Variants in OSBPL5 observed in about 807,000 individuals in gnomAD.
OSBPL5 encodes the protein oxysterol-binding protein-related protein 5.
In OSBPL5, 71 loss-of-function variants were observed where a neutral mutation model predicts 111.2. The observed-to-expected ratio is 0.64, with a 90% CI of 0.53 to 0.78. The LOEUF is 0.78. OSBPL5 is among the 30% of genes least tolerant of loss of function. The pLI is 0.00. For missense variants in OSBPL5, 1,210 were observed against 1,189.3 expected, an observed-to-expected ratio of 1.02 and a Z score of -0.26; for synonymous variants, 549 against 513.9, an observed-to-expected ratio of 1.07 and a Z score of -0.93.
chr11:3,145,254 A>G (rs375712440), intron 1 of OSBPL5, among the ~76,000 whole-genome samples: 16 of 151,106 alleles, frequency 1.1e-4, no homozygotes, highest in African/African-American at 3.9e-4. Context: ...CCCTTGATGA[A>G]CCTCCCCCAG....
chr11:3,123,340 C>T (rs1284585269), intron 3 of OSBPL5, among the ~76,000 whole-genome samples: 1 of 152,142 alleles, frequency 6.6e-6, no homozygotes, highest in Non-Finnish European at 1.5e-5. Flanking sequence ...ACAGCTTCCA[C>T]AGTTTTAATC....
chr11:3,158,398 C>T (rs552048167), intron 1 of OSBPL5, among the ~76,000 whole-genome samples: 2 of 152,376 alleles, frequency 1.3e-5, no homozygotes, highest in South Asian at 2.1e-4. Flanking sequence ...AAAGCACAAA[C>T]GGCTCTTGGT....
At chr11:3,152,332 G>T (rs546295656) in intron 1 of OSBPL5, among the ~76,000 whole-genome samples, 5 of 152,324 alleles carry the variant, frequency 3.3e-5, no homozygotes, top group South Asian at 4.1e-4. Context: ...AGGTATAAAG[G>T]TACTTCAAAA....
intron 1 of OSBPL5, among the ~76,000 whole-genome samples, chr11:3,132,823 C>T (rs753959442): frequency 3.3e-5 from 5 of 152,216 alleles, no homozygotes; most frequent in South Asian, 4.1e-4. Context: ...CCAGATGCAG[C>T]GCAGGTGAGG....
At chr11:3,160,402 A>G (rs1846921092) in intron 1 of OSBPL5, among the ~76,000 whole-genome samples, 1 of 152,208 alleles carries the variant, frequency 6.6e-6, no homozygotes, top group South Asian at 2.1e-4. Flanking sequence ...CACTGCTTCC[A>G]GAGTCCCGGC....
At chr11:3,123,195 A>C (rs1858484624) in intron 3 of OSBPL5, among the ~76,000 whole-genome samples, 1 of 152,188 alleles carries the variant, frequency 6.6e-6, no homozygotes, top group Admixed American at 6.5e-5. Flanking sequence ...CGGTTCTTCT[A>C]CAGATGGGGA....
intron 1 of OSBPL5, among the ~76,000 whole-genome samples, chr11:3,148,175 C>G (rs534722414): frequency 1.3e-5 from 2 of 152,340 alleles, no homozygotes; most frequent in African/African-American, 4.8e-5. Flanking sequence ...CGGGACTCCC[C>G]GGGGAGCAGG....
intron 19 of OSBPL5, 145 bp from the exon 20 acceptor site, chr11:3,090,841 G>A (rs895135894): frequency 9.0e-7 from 1 of 1,111,478 alleles, no homozygotes; most frequent in South Asian, 1.6e-5. Flanking sequence ...GAGCTGGCTG[G>A]AGGGGTCTGT....
intron 1 of OSBPL5, among the ~76,000 whole-genome samples, chr11:3,134,636 G>A (rs945866880): frequency 1.3e-5 from 2 of 152,250 alleles, no homozygotes; most frequent in African/African-American, 4.8e-5. Flanking sequence ...GGCACCAAAA[G>A]GGAACACTTT....
intron 1 of OSBPL5, among the ~76,000 whole-genome samples, chr11:3,137,606 A>G (rs1351180493): frequency 6.6e-6 from 1 of 152,192 alleles, no homozygotes; most frequent in African/African-American, 2.4e-5. Flanking sequence ...TGAGCCTAGG[A>G]GATCGAGATC....
intron 7 of OSBPL5, among the ~76,000 whole-genome samples, chr11:3,112,003 G>A (rs7480304): frequency 0.55 from 77,845 of 142,100 alleles, 22,203 homozygotes; most frequent in East Asian, 0.8. Context: ...GCATGTGTGT[G>A]TGTGTGCGCG....
intron 1 of OSBPL5, among the ~76,000 whole-genome samples, chr11:3,143,990 G>A (rs1846241909): frequency 1.3e-5 from 2 of 152,128 alleles, no homozygotes; most frequent in Non-Finnish European, 1.5e-5. Flanking sequence ...ACAGAGGGTC[G>A]ATGGCCTCAA....
At position 3,132,009 on chromosome 11, in the gene OSBPL5, GCATCCATCCATCCATC is replaced by G. The variant is rs57904462; in HGVS notation, c.-21-2856_-21-2841del. Among the ~76,000 whole-genome samples, 19 of 40,164 alleles carry G rather than the reference GCATCCATCCATCCATC, an allele frequency of 4.7e-4. No homozygotes were observed. In the East Asian group the frequency reaches 7.8e-3, roughly 16 times the overall value. The allele number at this position is 40,164 out of a possible 152,430, so 26.3% of individuals were successfully genotyped here. A position where few individuals can be genotyped will look rare whatever the true frequency, so the allele number is the denominator to read the frequency against. ...TCCACCCACCCTCCCTCCCTTTCAG[GCATCCATCCATCCATC>G]CATCCATCCATCCATCCATCCATCC... is the stretch of plus-strand genomic sequence containing the variant. On this transcript the variant is annotated intron_variant, in intron 1 of 21. Transcript: ENST00000263650.
In OSBPL5 at chr11:3,147,686, C is replaced by T. The variant is rs576777235; in HGVS notation, c.-22+17530G>A. On this transcript the variant is annotated intron_variant, in intron 1 of 21. Coordinates refer to ENST00000263650, the MANE Select transcript of OSBPL5 (RefSeq NM_020896.4). ...TAATCAATATCTGCTGGAAGAGAGG[C>T]GGACGGCTGGCAGAGGCATTTATGG... Among the ~76,000 whole-genome samples, 20 of 152,216 alleles carry T rather than the reference C, an allele frequency of 1.3e-4. No homozygotes were observed. The South Asian group carries it at 1.5e-3, about 11-fold the overall frequency.
chr11:3,142,939 C>T lies in OSBPL5; in HGVS notation c.-21-13770G>A, dbSNP rs61870225. ...GGGTGGGGGTGTGTGAGCAGAGACC[C>T]TTGGGACCCAGCATCTGGGTCTGGA... is the stretch of plus-strand genomic sequence containing the variant. On this transcript the variant is annotated intron_variant, in intron 1 of 21. Coordinates refer to ENST00000263650, the MANE Select transcript of OSBPL5 (RefSeq NM_020896.4). This position sits in a 1 kb window ranked among gnomAD's most constrained non-coding sequence, Gnocchi z 7.1. Among the ~76,000 whole-genome samples, 70,907 of 145,940 alleles carry T rather than the reference C, an allele frequency of 0.49. 18,741 individuals are homozygous for T. The highest frequency in any genetic ancestry group is 0.6 in the Non-Finnish European group (39,719 of 66,426).
In OSBPL5 at chr11:3,154,063, A is replaced by G. The variant is rs985280813; in HGVS notation, c.-22+11153T>C. 2.0e-5 allele frequency among the ~76,000 whole-genome samples: 3 copies of G among 152,194 alleles called. No individual in the cohort carries two copies. The highest frequency in any genetic ancestry group is 7.2e-5 in the African/African-American group (3 of 41,446). On this transcript the variant is annotated intron_variant, in intron 1 of 21. Transcript: ENST00000263650. This position sits in a 1 kb window ranked among gnomAD's most constrained non-coding sequence, Gnocchi z 4.9. ...AGGAAGGTCTGTGCCCGGGAAACAC[A>G]TGGCATTCAAACCGCCGCTGGTGTG... is the stretch of plus-strand genomic sequence containing the variant.
intron 14 of OSBPL5, 98 bp downstream of exon 14, chr11:3,100,060 G>T: frequency 3.3e-5 from 30 of 921,464 alleles, no homozygotes; most frequent in Non-Finnish European, 4.7e-5. Flanking sequence ...TGAAGGCGAA[G>T]TAAAGATACC....
In OSBPL5 at chr11:3,142,917, T is replaced by TG. The variant is rs1301940348; in HGVS notation, c.-21-13749dup. Among the ~76,000 whole-genome samples, 4 of 144,194 alleles carry TG rather than the reference T, an allele frequency of 2.8e-5. No individual in the cohort carries two copies. Among genetic ancestry groups the TG allele is most frequent in the African/African-American group, 1.0e-4 (4 of 38,438 alleles). 94.6% of individuals were successfully genotyped at this position (144,194 alleles called of 152,430 possible). On this transcript the variant is annotated intron_variant, in intron 1 of 21. Transcript: ENST00000263650. This position sits in a 1 kb window ranked among gnomAD's most constrained non-coding sequence, Gnocchi z 7.1. ...CCAGGACAGCGGACGGCACACGGGG[T>TG]GGGGGTGTGTGAGCAGAGACCCTTG...
chr11:3,113,882 G>A lies in OSBPL5; in HGVS notation c.691+5665C>T, dbSNP rs1354254008. On this transcript the variant is annotated intron_variant, in intron 7 of 21. Coordinates refer to ENST00000263650, the MANE Select transcript of OSBPL5 (RefSeq NM_020896.4). The surrounding 1 kb of genome is among the most constrained non-coding windows in gnomAD (Gnocchi z 4.8). ...ATGAACAAGGATAGCTTGAAGGTTAGAAACAAGATGGAGTCAGTTAGGTCA... is the reference window on the plus strand; with the variant it reads ...ATGAACAAGGATAGCTTGAAGGTTAAAAACAAGATGGAGTCAGTTAGGTCA... 6.6e-6 allele frequency among the ~76,000 whole-genome samples: 1 copy of A among 152,174 alleles called. No homozygotes were observed. The highest frequency in any genetic ancestry group is 6.5e-5 in the Admixed American group (1 of 15,268).
Sources: allele counts gnomAD v4.1 joint callset (sites outside exome capture counted in the v4.1 genomes callset), GRCh38; gene constraint gnomAD v4.1.1; non-coding constraint Gnocchi (gnomAD v3.1); transcripts MANE v1.5; gene names NCBI Gene and HGNC (gene_info 2026-07-23, HGNC 2026-07-21).